The following ITGA9 variants were observed in gnomAD, a reference collection of about 807,000 sequenced individuals.
ITGA9 encodes the protein integrin subunit alpha 9, also known as integrin alpha-9.
In ITGA9, 56 loss-of-function variants were observed where a neutral mutation model predicts 127.8. The ratio of observed to expected loss-of-function variants is 0.44; its 90% CI spans 0.35 to 0.55. The LOEUF is 0.55. ITGA9 is among the 20% of genes least tolerant of loss of function. The pLI, the probability that ITGA9 is intolerant of heterozygous loss-of-function variation, is 0.00. For missense variants in ITGA9, 1,196 were observed against 1,347.1 expected (o/e 0.89, Z 1.76); for synonymous variants, 508 against 514.5 (o/e 0.99, Z 0.17).
chr3:37,495,448 C>G (rs1240247856), intron 5 of ITGA9, among the ~76,000 whole-genome samples: 1 of 152,216 alleles, frequency 6.6e-6, no homozygotes, highest in Non-Finnish European at 1.5e-5. Context: ...CTCTCAAACA[C>G]TTTCATGACT....
At chr3:37,608,122 T>A (rs1699985761) in intron 15 of ITGA9, among the ~76,000 whole-genome samples, 2 of 152,186 alleles carry the variant, frequency 1.3e-5, no homozygotes, top group Non-Finnish European at 2.9e-5. Flanking sequence ...GCACTCTGGG[T>A]GTGGATGGGG....
intron 11 of ITGA9, among the ~76,000 whole-genome samples, chr3:37,521,914 G>T (rs919216118): frequency 2.6e-5 from 4 of 152,112 alleles, no homozygotes; most frequent in African/African-American, 9.7e-5. Context: ...TTGTACTTTG[G>T]TGCTTGGACA....
intron 19 of ITGA9, among the ~76,000 whole-genome samples, chr3:37,734,706 G>A (rs1353612013): frequency 6.6e-6 from 1 of 152,178 alleles, no homozygotes; most frequent in Non-Finnish European, 1.5e-5. Flanking sequence ...TGGCCAGGCT[G>A]GTCTTGAACT....
chr3:37,504,726 T>C (rs1404527383), intron 6 of ITGA9, among the ~76,000 whole-genome samples: 1 of 152,158 alleles, frequency 6.6e-6, no homozygotes, highest in Non-Finnish European at 1.5e-5. Context: ...CTGCAGGGAT[T>C]ATCAAGGATC....
chr3:37,748,939 T>TAA, intron 22 of ITGA9: 64 of 550,814 alleles, frequency 1.2e-4, no homozygotes, highest in South Asian at 2.1e-4. Context: ...CTGGACTGTT[T>TAA]AAAAAAAAAA....
At chr3:37,726,182 A>G (rs1431565480) in intron 18 of ITGA9, among the ~76,000 whole-genome samples, 1 of 152,236 alleles carries the variant, frequency 6.6e-6, no homozygotes, top group African/African-American at 2.4e-5. Context: ...TTTGAATTCT[A>G]AATTAACTAA....
chr3:37,488,339 GAGTAGAGCATGACATAATGCATAGTA>G, intron 4 of ITGA9, among the ~76,000 whole-genome samples: 1 of 151,748 alleles, frequency 6.6e-6, no homozygotes, highest in South Asian at 2.1e-4. Flanking sequence ...TTTTTTCTGA[GAGTAGAGCATGACATAATGCATAGTA>G]AGTTGCATGT....
In ITGA9 at chr3:37,658,113, A is replaced by G. The variant is rs777308757; in HGVS notation, c.1916+4323A>G. The stretch of plus-strand genomic sequence containing the variant: ...TGAGGAGTGTTTTACTTCCAATTAC[A>G]TGGTCAATTTTAGAATAAGTGTGAT... On this transcript the variant is annotated intron_variant, in intron 17 of 27. Transcript: ENST00000264741. 9.2e-5 allele frequency among the ~76,000 whole-genome samples: 14 copies of G among 152,160 alleles called. No individual in the cohort carries two copies. The South Asian group carries it at 1.5e-3, about 16-fold the overall frequency.
intron 26 of ITGA9, among the ~76,000 whole-genome samples, chr3:37,791,902 T>C: frequency 6.6e-6 from 1 of 152,250 alleles, no homozygotes. Flanking sequence ...TTACTGCTTT[T>C]ACTGTCATGA....
intron 18 of ITGA9, among the ~76,000 whole-genome samples, chr3:37,728,712 C>T (rs1696247704): frequency 6.6e-6 from 1 of 151,798 alleles, no homozygotes; most frequent in Admixed American, 6.6e-5. Flanking sequence ...TGCCTCTCCC[C>T]ACCTGGGAGC....
intron 18 of ITGA9, among the ~76,000 whole-genome samples, chr3:37,729,847 G>T (rs984097548): frequency 6.6e-6 from 1 of 151,892 alleles, no homozygotes; most frequent in Admixed American, 6.6e-5. Context: ...GGGACTACAG[G>T]CATGCACCAC....
intron 1 of ITGA9, among the ~76,000 whole-genome samples, chr3:37,461,033 G>C (rs1219069149): frequency 6.6e-6 from 1 of 152,078 alleles, no homozygotes; most frequent in Non-Finnish European, 1.5e-5. Context: ...GATGTATGTG[G>C]ATCCCAGAGT....
At chr3:37,551,810 T>C (rs1699381019) in intron 15 of ITGA9, among the ~76,000 whole-genome samples, 1 of 152,214 alleles carries the variant, frequency 6.6e-6, no homozygotes, top group South Asian at 2.1e-4. Flanking sequence ...GAAAAAGCCC[T>C]TGCCATCTCT....
intron 8 of ITGA9, 124 bp from the exon 9 acceptor site, chr3:37,513,639 A>G (rs760096139): frequency 3.1e-6 from 3 of 956,572 alleles, no homozygotes; most frequent in Non-Finnish European, 4.6e-6. Context: ...TCCTGTGTCC[A>G]TGTGTTCTCA....
At chr3:37,614,836 A>C (rs1333051758) in intron 15 of ITGA9, among the ~76,000 whole-genome samples, 1 of 152,176 alleles carries the variant, frequency 6.6e-6, no homozygotes, top group Non-Finnish European at 1.5e-5. Context: ...ACTTTGCTGA[A>C]GTTGCTTATC....
At chr3:37,666,674 T>C (rs1700589555) in intron 17 of ITGA9, among the ~76,000 whole-genome samples, 1 of 152,194 alleles carries the variant, frequency 6.6e-6, no homozygotes, top group African/African-American at 2.4e-5. Flanking sequence ...AGAGCAAATA[T>C]ATTCTCACTT....
intron 8 of ITGA9, among the ~76,000 whole-genome samples, chr3:37,511,965 T>C (rs201341417): frequency 8.1e-5 from 1 of 12,392 alleles, no homozygotes; most frequent in African/African-American, 1.6e-4. Flanking sequence ...GCTTTTTCTC[T>C]TTCTTTTCTT....
In ITGA9 at chr3:37,542,476, T is replaced by A. The variant is rs758546081; in HGVS notation, c.1580T>A (p.Met527Lys). The change falls in exon 15 of 28, where the codon ATG (methionine) becomes AAG (lysine). Residue 527 changes from methionine (M) to lysine (K), a missense_variant. By Grantham distance (95) the Met-to-Lys change is moderately conservative. Transcript: ENST00000264741. Reference sequence around the variant, plus strand: ...GTGGCCAAAAAGGAGAAGGGCCAGATGCCCAGGGTCTACTTTGTGCTGCTG... The same window carrying A: ...GTGGCCAAAAAGGAGAAGGGCCAGAAGCCCAGGGTCTACTTTGTGCTGCTG... ...ADVAKKEKGQMPRVYFVLLGE... is the reference protein window; with the variant it reads ...ADVAKKEKGQKPRVYFVLLGE... 5 of 1,613,944 alleles carry A rather than the reference T, an allele frequency of 3.1e-6. No individual in the cohort carries two copies. The highest frequency in any genetic ancestry group is 1.7e-4 in the Middle Eastern group (1 of 5,994).
intron 17 of ITGA9, among the ~76,000 whole-genome samples, chr3:37,655,888 G>A (rs1700473040): frequency 1.3e-5 from 2 of 152,112 alleles, no homozygotes; most frequent in South Asian, 4.1e-4. Flanking sequence ...TAAGGAAAGG[G>A]TCCAGTTTCA....
Sources: gnomAD v4.1 joint callset for allele counts (sites outside exome capture counted in the v4.1 genomes callset) on GRCh38, gnomAD v4.1.1 for gene constraint, MANE v1.5 for transcripts, NCBI Gene and HGNC (gene_info 2026-07-23, HGNC 2026-07-21) for gene names.